Variants in DDX4 observed in about 807,000 individuals in gnomAD.
The protein encoded by DDX4 is probable ATP-dependent RNA helicase DDX4.
Under a neutral mutation model 100.0 loss-of-function variants are expected in DDX4, and 25 were observed. That is an observed-to-expected ratio of 0.25 (90% CI 0.18 to 0.35). DDX4 has a LOEUF of 0.35. Among genes scored for constraint, DDX4 ranks in the 10% least tolerant of loss-of-function variants. The pLI is 1.00. For synonymous variants in DDX4, 259 were observed against 275.7 expected (o/e 0.94, Z 0.60); for missense variants, 635 against 882.4 (o/e 0.72, Z 3.55).
At chr5:55,763,872 G>A (rs1296903167) in intron 5 of DDX4, 142 bp from the exon 6 acceptor site, 2 of 606,174 alleles carry the variant, frequency 3.3e-6, no homozygotes, top group Non-Finnish European at 5.9e-6. Context: ...TTGTTGTACA[G>A]CCTGAGTGAA....
chr5:55,814,575 C>G (rs1393909252), intron 19 of DDX4, among the ~76,000 whole-genome samples: 1 of 152,116 alleles, frequency 6.6e-6, no homozygotes, highest in African/African-American at 2.4e-5. Flanking sequence ...CAGCTCACCT[C>G]TGCTTCCCCG....
chr5:55,793,065 T>TGTGTGTGTGTGTG (rs1160621818), intron 17 of DDX4, among the ~76,000 whole-genome samples: 1 of 149,080 alleles, frequency 6.7e-6, no homozygotes, highest in African/African-American at 2.5e-5. Flanking sequence ...TTTGTGTGTG[T>TGTGTGTGTGTGTG]TGTTGTTGTT....
At position 55,787,975 on chromosome 5, in the gene DDX4, T is replaced by A; in HGVS notation, c.1147T>A (p.Leu383Met). Residue 383 changes from leucine to methionine, a missense_variant, in exon 15 of 22, where the codon TTG becomes ATG. By Grantham distance (15) the Leu-to-Met change is conservative. This residue lies in a region of DDX4 where 446 missense variants were observed against 540.8 expected (regional missense o/e 0.82). Coordinates refer to ENST00000505374, the MANE Select transcript of DDX4 (RefSeq NM_024415.3). ...PTRELVNQIYLEARKFSFGTC... is the reference protein window; with the variant it reads ...PTRELVNQIYMEARKFSFGTC... ...TCGAGAATTGGTCAACCAGATTTAT[T>A]TGGAAGCCAGAAAATTTTCTTTTGG... 1.2e-6 allele frequency: 2 copies of A among 1,613,212 alleles called. No individual in the cohort carries two copies. The highest frequency in any genetic ancestry group is 1.7e-6 in the Non-Finnish European group (2 of 1,179,674).
At chr5:55,791,528 C>G (rs143659934) in intron 16 of DDX4, among the ~76,000 whole-genome samples, 53 of 152,154 alleles carry the variant, frequency 3.5e-4, no homozygotes, top group African/African-American at 1.2e-3. Flanking sequence ...CCTGATTGTT[C>G]CCGAGTGATT....
At position 55,792,775 on chromosome 5, in the gene DDX4, G is replaced by A; in HGVS notation, c.1437G>A (p.Met479Ile). The change falls in exon 17 of 22, where the codon ATG (methionine) becomes ATA (isoleucine). Residue 479 changes from methionine to isoleucine, a missense_variant. By Grantham distance (10) the Met-to-Ile change is conservative. Transcript: ENST00000505374. ...MPSKEQRQTL[M>I]FSATFPEEIQ... ...CAAAGGAACAGCGCCAAACCCTTAT[G>A]TTCAGTGCAACTTTTCCAGAGGAAA... 1 of 1,491,068 alleles carries A rather than the reference G, an allele frequency of 6.7e-7. No homozygotes were observed. Among genetic ancestry groups the A allele is most frequent in the Non-Finnish European group, 8.9e-7 (1 of 1,119,092 alleles). The allele number at this position is 1,491,068 out of a possible 1,614,324, so 92.4% of individuals were successfully genotyped here. A position where few individuals can be genotyped will look rare whatever the true frequency, so the allele number is the denominator to read the frequency against.
intron 7 of DDX4, among the ~76,000 whole-genome samples, chr5:55,772,710 C>A (rs1468881703): frequency 6.6e-6 from 1 of 152,112 alleles, no homozygotes; most frequent in Non-Finnish European, 1.5e-5. Flanking sequence ...GTTAAAAGGG[C>A]CTGGTACCCT....
intron 5 of DDX4, 82 bp from the exon 6 acceptor site, chr5:55,763,932 G>A (rs1460621270): frequency 2.1e-5 from 19 of 905,624 alleles, no homozygotes; most frequent in Middle Eastern, 2.4e-4. Context: ...ATCTTAGAAG[G>A]CATCATAACT....
At chr5:55,796,760 C>CCTG (rs1444804800) in intron 17 of DDX4, among the ~76,000 whole-genome samples, 1 of 150,736 alleles carries the variant, frequency 6.6e-6, no homozygotes, top group Non-Finnish European at 1.5e-5. Context: ...CACATTCTTG[C>CCTG]CTGCTGCTTC....
intron 18 of DDX4, among the ~76,000 whole-genome samples, chr5:55,801,559 C>A (rs1394916092): frequency 6.6e-6 from 1 of 152,124 alleles, no homozygotes; most frequent in Non-Finnish European, 1.5e-5. Context: ...TTGCTTACTT[C>A]AAATTCTTCC....
chr5:55,769,703 G>A (rs560823410), intron 7 of DDX4, among the ~76,000 whole-genome samples: 122 of 152,118 alleles, frequency 8.0e-4, no homozygotes, highest in African/African-American at 2.8e-3. Context: ...GCATGAATAG[G>A]CAAGACAATC....
intron 10 of DDX4, among the ~76,000 whole-genome samples, chr5:55,784,458 C>T (rs1481031243): frequency 1.3e-5 from 2 of 152,212 alleles, no homozygotes; most frequent in African/African-American, 4.8e-5. Flanking sequence ...ACAGACATAC[C>T]CAGAAATAAT....
rs1744431586 is a variant in DDX4, at chr5:55,816,509, C to T, written c.2144C>T (p.Pro715Leu). 6.2e-7 allele frequency: 1 copy of T among 1,612,976 alleles called. No homozygotes were observed. The highest frequency in any genetic ancestry group is 8.5e-7 in the Non-Finnish European group (1 of 1,179,664). Residue 715 changes from proline to leucine, a missense_variant, in exon 22 of 22, where the codon CCC (proline) becomes CTC (leucine). Around this residue, in one of 4 missense-constraint regions of DDX4, gnomAD observed 73 missense variants for 98.5 expected, o/e 0.74. Transcript: ENST00000505374. ...NTAGFSSSQAPNPVDDESWD is the reference protein window; with the variant it reads ...NTAGFSSSQALNPVDDESWD ...GCTGGGTTTTCTTCTTCACAAGCTC[C>T]CAATCCAGTAGATGATGAGTCATGG...
intron 7 of DDX4, among the ~76,000 whole-genome samples, chr5:55,771,349 A>G (rs920261574): frequency 5.9e-5 from 9 of 152,174 alleles, no homozygotes; most frequent in African/African-American, 2.2e-4. Flanking sequence ...CTAACAGCAT[A>G]CGATAATTTC....
At chr5:55,808,765 G>A (rs1743920752) in intron 18 of DDX4, among the ~76,000 whole-genome samples, 2 of 152,196 alleles carry the variant, frequency 1.3e-5, no homozygotes, top group Non-Finnish European at 2.9e-5. Flanking sequence ...TGGGGGTCAG[G>A]GACCCGCTTG....
At chr5:55,785,548 T>G in intron 12 of DDX4, 54 bp downstream of exon 12, 1 of 1,411,554 alleles carries the variant, frequency 7.1e-7, no homozygotes, top group Non-Finnish European at 9.8e-7. Context: ...TTAATAATGC[T>G]TAAGTATTTT....
intron 17 of DDX4, among the ~76,000 whole-genome samples, chr5:55,796,613 T>C (rs975577320): frequency 2.0e-5 from 3 of 152,176 alleles, no homozygotes; most frequent in African/African-American, 7.2e-5. Context: ...GCTACTTTCT[T>C]ACCTGGAGTC....
chr5:55,753,603 T>C (rs1200723826), intron 3 of DDX4, among the ~76,000 whole-genome samples: 2 of 151,774 alleles, frequency 1.3e-5, no homozygotes, highest in Non-Finnish European at 2.9e-5. Flanking sequence ...AGTCAGGTAG[T>C]GTGATGCCTC....
At position 55,760,186 on chromosome 5, in the gene DDX4, G is replaced by A; in HGVS notation, c.128-14G>A. The A allele has an allele frequency of 2.0e-6, 3 of 1,486,628 alleles. No individual in the cohort carries two copies. The highest frequency in any genetic ancestry group is 2.8e-6 in the Non-Finnish European group (3 of 1,090,238). 92.1% of individuals were successfully genotyped at this position (1,486,628 alleles called of 1,614,324 possible). On this transcript the variant is annotated splice_polypyrimidine_tract_variant and intron_variant, in intron 3 of 21. Coordinates refer to ENST00000505374, the MANE Select transcript of DDX4 (RefSeq NM_024415.3). ...GTTTTTATTTGACTTACTTCAAAAT[G>A]TTGTTTGCTTTAGAAATGGATGATG...
intron 18 of DDX4, among the ~76,000 whole-genome samples, chr5:55,810,402 G>A (rs768366426): frequency 3.3e-5 from 5 of 152,138 alleles, no homozygotes; most frequent in Non-Finnish European, 7.3e-5. Flanking sequence ...ACCATGCCTA[G>A]CCATGTTTCG....
Sources: allele counts gnomAD v4.1 joint callset (sites outside exome capture counted in the v4.1 genomes callset), GRCh38; gene constraint gnomAD v4.1.1; regional missense constraint gnomAD v4.1.1; transcripts MANE v1.5; gene names NCBI Gene and HGNC (gene_info 2026-07-23, HGNC 2026-07-21).